Variants in FBXO38 observed in about 807,000 individuals in gnomAD.
FBXO38 encodes the protein F-box only protein 38.
FBXO38 carries 53 observed loss-of-function variants against 131.9 expected under a neutral mutation model. The observed-to-expected ratio is 0.40, with a 90% CI of 0.32 to 0.51. FBXO38 has a LOEUF of 0.51. Ranked by LOEUF, FBXO38 falls within the 20% of genes least tolerant of loss-of-function variation. FBXO38 has a pLI of 0.53. For missense variants in FBXO38, 1,076 were observed against 1,475.6 expected (o/e 0.73, Z 4.44); for synonymous variants, 452 against 505.6 (o/e 0.89, Z 1.42).
intron 17 of FBXO38, among the ~76,000 whole-genome samples, chr5:148,435,655 A>C (rs1156885422): frequency 6.6e-6 from 1 of 152,184 alleles, no homozygotes; most frequent in Admixed American, 6.6e-5. Flanking sequence ...CTGTAGTCCC[A>C]GCTACTAGGG....
At chr5:148,402,914 G>C (rs1159426391) in intron 5 of FBXO38, among the ~76,000 whole-genome samples, 1 of 152,142 alleles carries the variant, frequency 6.6e-6, no homozygotes, top group Admixed American at 6.6e-5. Flanking sequence ...CAGAGAGAGA[G>C]AGAGTATATG....
chr5:148,402,025 A>G lies in FBXO38; in HGVS notation c.306A>G (p.Pro102=), dbSNP rs200116087. 1 of 1,613,282 alleles carries G rather than the reference A, an allele frequency of 6.2e-7. No homozygotes were observed. The highest frequency in any genetic ancestry group is 8.5e-7 in the Non-Finnish European group (1 of 1,179,340). ...ASFLTLLKKM[P]DVEQLYGLHP... Reference sequence around the variant, plus strand: ...TTCTAACACTATTAAAGAAGATGCCAGATGTTGAACAGCTATATGGCCTTC... The same window carrying G: ...TTCTAACACTATTAAAGAAGATGCCGGATGTTGAACAGCTATATGGCCTTC... Residue 102 remains proline, a synonymous_variant, in exon 4 of 22, where the codon CCA becomes CCG. Coordinates refer to ENST00000340253, the MANE Select transcript of FBXO38 (RefSeq NM_205836.3).
At chr5:148,434,376 C>A (rs145750602) in intron 17 of FBXO38, 26 of 152,162 alleles carry the variant, frequency 1.7e-4, no homozygotes, top group African/African-American at 6.3e-4. Flanking sequence ...CATAGTGTAT[C>A]CTATAATTGA....
intron 15 of FBXO38, among the ~76,000 whole-genome samples, chr5:148,431,324 C>A (rs564182449): frequency 6.6e-6 from 1 of 152,312 alleles, no homozygotes; most frequent in South Asian, 2.1e-4. Context: ...AACTTTCTTC[C>A]TCATGCATCA....
chr5:148,421,554 C>T (rs1392677886), intron 12 of FBXO38, among the ~76,000 whole-genome samples: 1 of 151,994 alleles, frequency 6.6e-6, no homozygotes, highest in African/African-American at 2.4e-5. Flanking sequence ...TTTTTTACAG[C>T]TGAAATAACA....
Position 148,402,401 on chromosome 5 carries a change from C to T in FBXO38, c.480C>T (p.Pro160=), listed in dbSNP as rs777513247. 2 of 1,613,018 alleles carry T rather than the reference C, an allele frequency of 1.2e-6. No individual in the cohort carries two copies. The highest frequency in any genetic ancestry group is 1.7e-6 in the Non-Finnish European group (2 of 1,179,268). Residue 160 remains proline, a synonymous_variant, in exon 5 of 22, where the codon CCC becomes CCT. Coordinates refer to ENST00000340253, the MANE Select transcript of FBXO38 (RefSeq NM_205836.3). The stretch of plus-strand genomic sequence containing the variant: ...TAGAATCCATTTGGACATATATGCC[C>T]CATGTTCATATTTTGGGGAAATTTC... The part of the protein sequence containing the change: ...ELVESIWTYM[P]HVHILGKFRN...
chr5:148,415,912 G>T lies in FBXO38; in HGVS notation c.1265-16G>T, dbSNP rs1192244946. 6.2e-7 allele frequency: 1 copy of T among 1,612,822 alleles called. No individual in the cohort carries two copies. Among genetic ancestry groups the T allele is most frequent in the Non-Finnish European group, 8.5e-7 (1 of 1,179,236 alleles). ...TGTTACTTAGATTTTCTCTGGTCAT[G>T]TCATTTCTTTAACAGACCACTCAAG... On this transcript the variant is annotated splice_polypyrimidine_tract_variant and intron_variant, in intron 10 of 21. Coordinates refer to ENST00000340253, the MANE Select transcript of FBXO38 (RefSeq NM_205836.3).
chr5:148,393,554 A>G (rs1426333605), intron 1 of FBXO38, among the ~76,000 whole-genome samples: 1 of 152,074 alleles, frequency 6.6e-6, no homozygotes, highest in African/African-American at 2.4e-5. Flanking sequence ...CCCCTTTGTT[A>G]TATGAGGCTT....
chr5:148,441,439 G>T (rs1001410188), intron 21 of FBXO38: 3 of 474,066 alleles, frequency 6.3e-6, no homozygotes, highest in Admixed American at 8.0e-5. Flanking sequence ...ATAAAGGCTG[G>T]TAGAAAGGAT....
chr5:148,392,443 A>T (rs556483479), intron 1 of FBXO38, among the ~76,000 whole-genome samples: 1 of 152,090 alleles, frequency 6.6e-6, no homozygotes, highest in Non-Finnish European at 1.5e-5. Flanking sequence ...GATATGAAGG[A>T]GTTCATTTTG....
chr5:148,429,789 AT>A (rs1753928695), intron 15 of FBXO38, among the ~76,000 whole-genome samples: 1 of 151,720 alleles, frequency 6.6e-6, no homozygotes, highest in African/African-American at 2.4e-5. Context: ...TTTTGATGTT[AT>A]TTTTTGCCTT....
Position 148,438,493 on chromosome 5 carries a change from C to A in FBXO38, c.3019C>A (p.Gln1007Lys), listed in dbSNP as rs112383068. Residue 1007 changes from glutamine to lysine, a missense_variant, in exon 18 of 22, where the codon CAG (glutamine) becomes AAG (lysine). Physicochemically the swap from Gln to Lys is moderately conservative, Grantham distance 53. Transcript: ENST00000340253. ...RNRIIYLRPM[Q>K]QVDTLTLEQK... Reference sequence around the variant, plus strand: ...CCGCATCATATACCTACGCCCAATGCAGCAGGTAACGAGCTTTGCTTCTTT... The same window carrying A: ...CCGCATCATATACCTACGCCCAATGAAGCAGGTAACGAGCTTTGCTTCTTT... 2,466 of 1,610,150 alleles carry A rather than the reference C, an allele frequency of 1.5e-3. 4 individuals carry two copies. Among genetic ancestry groups the A allele is most frequent in the Non-Finnish European group, 2.0e-3 (2,315 of 1,178,504 alleles).
At chr5:148,408,792 G>A (rs1250845874) in intron 7 of FBXO38, among the ~76,000 whole-genome samples, 2 of 152,092 alleles carry the variant, frequency 1.3e-5, no homozygotes, top group African/African-American at 2.4e-5. Context: ...TTGGAGGTTC[G>A]AAATTTGGCC....
chr5:148,419,006 A>G (rs1280161527), intron 12 of FBXO38, among the ~76,000 whole-genome samples: 1 of 152,250 alleles, frequency 6.6e-6, no homozygotes, highest in Non-Finnish European at 1.5e-5. Flanking sequence ...TACACAAGAC[A>G]TAGGATAAGC....
intron 9 of FBXO38, among the ~76,000 whole-genome samples, chr5:148,412,243 A>G (rs1752802624): frequency 1.3e-5 from 2 of 152,130 alleles, no homozygotes; most frequent in Admixed American, 6.6e-5. Context: ...CCATATGCAT[A>G]CTATCTTCTG....
intron 9 of FBXO38, among the ~76,000 whole-genome samples, chr5:148,412,274 G>A (rs1217027508): frequency 2.6e-5 from 4 of 152,006 alleles, no homozygotes; most frequent in African/African-American, 9.7e-5. Context: ...GATGACCTAG[G>A]ATTCTCTGTT....
intron 17 of FBXO38, among the ~76,000 whole-genome samples, chr5:148,435,749 G>A (rs893443480): frequency 2.0e-5 from 3 of 152,124 alleles, no homozygotes; most frequent in Non-Finnish European, 4.4e-5. Context: ...CAGTCTGGGC[G>A]ACAGAGCAAG....
intron 12 of FBXO38, among the ~76,000 whole-genome samples, chr5:148,422,910 C>T (rs1753519295): frequency 6.6e-6 from 1 of 152,094 alleles, no homozygotes; most frequent in African/African-American, 2.4e-5. Context: ...CCTTTTCAGC[C>T]TTGTTTTTTC....
chr5:148,410,649 G>A lies in FBXO38; in HGVS notation c.977G>A (p.Arg326Gln), dbSNP rs938860436. ...ITAARRLHEV[R>Q]IQPSLTKDGV... is the part of the protein sequence containing the mutation. The stretch of plus-strand genomic sequence containing the variant: ...TTTATTCACAGGTTACATGAAGTTC[G>A]GATCCAGCCTTCCCTAACCAAAGAT... Residue 326 changes from arginine (R) to glutamine (Q), a missense_variant, in exon 9 of 22, where the codon CGG becomes CAG. By Grantham distance (43) the Arg-to-Gln change is conservative. This residue lies in a region of FBXO38 where 146 missense variants were observed against 274.3 expected (regional missense o/e 0.53). Transcript: ENST00000340253. 7 of 1,613,736 alleles carry A rather than the reference G, an allele frequency of 4.3e-6. No individual in the cohort carries two copies. Among genetic ancestry groups the A allele is most frequent in the East Asian group, 2.2e-5 (1 of 44,882 alleles).
Sources: gnomAD v4.1 joint callset for allele counts (sites outside exome capture counted in the v4.1 genomes callset) on GRCh38, gnomAD v4.1.1 for gene constraint, gnomAD v4.1.1 regional missense constraint, MANE v1.5 for transcripts, NCBI Gene and HGNC (gene_info 2026-07-23, HGNC 2026-07-21) for gene names.